TEX9: variants seen among roughly 807,000 people sequenced by gnomAD.
TEX9 encodes testis expressed 9.
TEX9 carries 74 observed loss-of-function variants against 59.6 expected under a neutral mutation model. That is an observed-to-expected ratio of 1.24 (90% CI 1.03 to 1.51). The LOEUF is 1.51. Ranked by LOEUF, TEX9 falls within the 40% of genes most tolerant of loss-of-function variation. TEX9 has a pLI of 0.00. For missense variants in TEX9, 522 were observed against 447.8 expected (o/e 1.17, Z -1.49); for synonymous variants, 186 against 152.2 (o/e 1.22, Z -1.64).
intron 1 of TEX9, among the ~76,000 whole-genome samples, chr15:56,355,035 TAC>T (rs1226495128): frequency 6.6e-6 from 1 of 152,218 alleles, no homozygotes; most frequent in Non-Finnish European, 1.5e-5. Context: ...GGCATTTATA[TAC>T]AGTCATATAT....
the TEX9 span, chr15:56,456,619 G>T: frequency 8.7e-7 from 1 of 1,147,958 alleles, no homozygotes; most frequent in Non-Finnish European, 1.3e-6. Context: ...ATGCCTTAAG[G>T]CCAACAATTG....
At chr15:56,420,430 C>G (rs534368875) in intron 10 of TEX9, among the ~76,000 whole-genome samples, 1 of 151,806 alleles carries the variant, frequency 6.6e-6, no homozygotes, top group Admixed American at 6.5e-5. Context: ...GCCTCAGCCT[C>G]CTGAGTAGCT....
At chr15:56,304,549 A>G (rs2045433611) in intron 1 of TEX9, among the ~76,000 whole-genome samples, 1 of 152,118 alleles carries the variant, frequency 6.6e-6, no homozygotes, top group African/African-American at 2.4e-5. Context: ...ACATTGATTG[A>G]TCTGTGTATG....
At chr15:56,352,713 G>A (rs182817047) in intron 1 of TEX9, among the ~76,000 whole-genome samples, 1 of 152,066 alleles carries the variant, frequency 6.6e-6, no homozygotes, top group Non-Finnish European at 1.5e-5. Flanking sequence ...TTTATATCAG[G>A]TTACTGGAAA....
intron 1 of TEX9, among the ~76,000 whole-genome samples, chr15:56,274,049 T>A (rs1891781182): frequency 6.6e-6 from 1 of 152,194 alleles, no homozygotes; most frequent in African/African-American, 2.4e-5. Context: ...ATTTGGTTTC[T>A]TTCTTTTCTC....
rs762783772 is a variant in TEX9, at chr15:56,412,283, A to C, written c.829-19A>C. ...TATGATATATTTATAAATGTTCCAT[A>C]ATCTTTTTTACTATACAGGAATTAG... On this transcript the variant is annotated intron_variant, in intron 9 of 12. Coordinates refer to ENST00000352903, the Ensembl canonical transcript of TEX9. The C allele has an allele frequency of 6.3e-7, 1 of 1,580,860 alleles. No individual in the cohort carries two copies.
intron 10 of TEX9, among the ~76,000 whole-genome samples, chr15:56,418,191 T>G (rs79028033): frequency 0.045 from 6,821 of 151,934 alleles, 243 homozygotes; most frequent in Non-Finnish European, 0.07. Context: ...AAGGTTAGTA[T>G]TAATATGTGT....
chr15:56,428,503 G>T, intron 12 of TEX9: 2 of 1,193,534 alleles, frequency 1.7e-6, no homozygotes, highest in Admixed American at 3.7e-5. Context: ...TTTACTTATT[G>T]TAGTGGTTTG....
chr15:56,286,122 G>A (rs1177656232), intron 1 of TEX9, among the ~76,000 whole-genome samples: 4 of 152,088 alleles, frequency 2.6e-5, no homozygotes, highest in African/African-American at 9.7e-5. Context: ...TTTCATCTCT[G>A]TATTTCCCCT....
intron 1 of TEX9, among the ~76,000 whole-genome samples, chr15:56,271,500 T>A (rs1167133774): frequency 6.6e-6 from 1 of 152,128 alleles, no homozygotes; most frequent in African/African-American, 2.4e-5. Context: ...GGTTTCATCA[T>A]GTTGGTCAGG....
At chr15:56,457,857 A>G in the TEX9 span, among the ~76,000 whole-genome samples, 2 of 151,910 alleles carry the variant, frequency 1.3e-5, no homozygotes, top group Non-Finnish European at 2.9e-5. Context: ...ACAACTCAAC[A>G]ATTTTACCTC....
intron 1 of TEX9, among the ~76,000 whole-genome samples, chr15:56,307,259 C>T (rs575257208): frequency 6.6e-6 from 1 of 152,322 alleles, no homozygotes; most frequent in South Asian, 2.1e-4. Context: ...TGTTTATCCT[C>T]TACCCTTTCC....
intron 1 of TEX9, among the ~76,000 whole-genome samples, chr15:56,339,506 T>C (rs1298013507): frequency 6.6e-6 from 1 of 151,090 alleles, no homozygotes; most frequent in Non-Finnish European, 1.5e-5. Context: ...TCCTGCCTGC[T>C]AGGTATTGAA....
chr15:56,282,114 C>G (rs180964655), intron 1 of TEX9, among the ~76,000 whole-genome samples: 169 of 152,108 alleles, frequency 1.1e-3, no homozygotes, highest in Non-Finnish European at 1.8e-3. Flanking sequence ...AAAAAGAAAG[C>G]AACAATATGT....
At chr15:56,339,401 A>AAACAAAT in intron 1 of TEX9, among the ~76,000 whole-genome samples, 1 of 124,196 alleles carries the variant, frequency 8.1e-6, no homozygotes, top group Admixed American at 8.7e-5. Context: ...AAAAAAAAAA[A>AAACAAAT]AAAAAAAAAA....
intron 1 of TEX9, among the ~76,000 whole-genome samples, chr15:56,335,060 G>GTAT (rs2046232690): frequency 6.6e-6 from 1 of 152,072 alleles, no homozygotes; most frequent in African/African-American, 2.4e-5. Context: ...GTGAGAGTGT[G>GTAT]TATTAGTACA....
upstream of TEX9, among the ~76,000 whole-genome samples, chr15:56,362,761 G>T (rs1194196627): frequency 1.3e-5 from 2 of 152,136 alleles, no homozygotes; most frequent in African/African-American, 2.4e-5. Flanking sequence ...CTATGGATTT[G>T]CCTATTGCGG....
intron 10 of TEX9, among the ~76,000 whole-genome samples, 163 bp from the exon 11 acceptor site, chr15:56,427,442 A>G (rs1280637863): frequency 6.6e-6 from 1 of 152,198 alleles, no homozygotes; most frequent in African/African-American, 2.4e-5. Flanking sequence ...ACTAAAAGCT[A>G]TCAAATTCCA....
chr15:56,373,946 A>T (rs2047308876), intron 3 of TEX9, among the ~76,000 whole-genome samples: 1 of 152,124 alleles, frequency 6.6e-6, no homozygotes, highest in South Asian at 2.1e-4. Context: ...GCCTTATACA[A>T]ATCCATGATT....
Sources: allele counts gnomAD v4.1 joint callset (sites outside exome capture counted in the v4.1 genomes callset), GRCh38; gene constraint gnomAD v4.1.1; transcripts MANE v1.5; gene names NCBI Gene and HGNC (gene_info 2026-07-23, HGNC 2026-07-21).